CNTNAP2: variants seen among roughly 807,000 people sequenced by gnomAD.
The protein encoded by CNTNAP2 is contactin-associated protein-like 2.
In CNTNAP2, 98 loss-of-function variants were observed where a neutral mutation model predicts 155.2. That is an observed-to-expected ratio of 0.63 (90% CI 0.54 to 0.75). The LOEUF (loss-of-function observed/expected upper bound fraction) is 0.75. CNTNAP2 is among the 30% of genes least tolerant of loss of function. The pLI, the probability that CNTNAP2 is intolerant of heterozygous loss-of-function variation, is 0.00. For synonymous variants in CNTNAP2, 651 were observed against 631.2 expected (o/e 1.03, Z -0.47); for missense variants, 1,727 against 1,688.1 (o/e 1.02, Z -0.40).
intron 5 of CNTNAP2, among the ~76,000 whole-genome samples, chr7:147,110,004 C>T (rs1800844447): frequency 1.3e-5 from 2 of 151,962 alleles, no homozygotes; most frequent in South Asian, 2.1e-4. Flanking sequence ...TGCTCACTGC[C>T]ACCTCTGCCT....
At chr7:147,803,302 G>C (rs1798037267) in intron 13 of CNTNAP2, among the ~76,000 whole-genome samples, 3 of 152,146 alleles carry the variant, frequency 2.0e-5, no homozygotes, top group African/African-American at 7.2e-5. Flanking sequence ...GCCTAATTCT[G>C]CTCTTGGGGG....
At position 147,242,987 on chromosome 7, in the gene CNTNAP2, A is replaced by ATTTTTTTTTTTTTTTTTTTT. The variant is rs766917054; in HGVS notation, c.1349-57144_1349-57125dup. 5.3e-4 allele frequency among the ~76,000 whole-genome samples: 25 copies of ATTTTTTTTTTTTTTTTTTTT among 47,168 alleles called. 6 individuals are homozygous for ATTTTTTTTTTTTTTTTTTTT. The highest frequency in any genetic ancestry group is 1.9e-3 in the East Asian group (2 of 1,050). The allele number at this position is 47,168 out of a possible 152,430, so 30.9% of individuals were successfully genotyped here. A position where few individuals can be genotyped will look rare whatever the true frequency, so the allele number is the denominator to read the frequency against. On this transcript the variant is annotated intron_variant, in intron 8 of 23. Coordinates refer to ENST00000361727, the MANE Select transcript of CNTNAP2 (RefSeq NM_014141.6). The stretch of plus-strand genomic sequence containing the variant: ...TGTTGTATTCCACACTATGCTTTGC[A>ATTTTTTTTTTTTTTTTTTTT]TTTTTTTTTTTTTTTTTTTTTTTTT...
At position 147,062,127 on chromosome 7, in the gene CNTNAP2, C is replaced by CAAAAA. The variant is rs869125044; in HGVS notation, c.550+18112_550+18116dup. ...TGGGCGACAGAGCGAGACTCCGTCT[C>CAAAAA]AAAAAAAAAAAAAAAAAAAAAAAAA... On this transcript the variant is annotated intron_variant, in intron 4 of 23. Coordinates refer to ENST00000361727, the MANE Select transcript of CNTNAP2 (RefSeq NM_014141.6). Among the ~76,000 whole-genome samples the CAAAAA allele has an allele frequency of 3.9e-3, 177 of 44,918 alleles. 26 individuals are homozygous for CAAAAA. Among genetic ancestry groups the CAAAAA allele is most frequent in the East Asian group, 0.012 (9 of 736 alleles). 29.5% of individuals were successfully genotyped at this position (44,918 alleles called of 152,430 possible).
chr7:148,351,530 G>C (rs1305865420), intron 21 of CNTNAP2, among the ~76,000 whole-genome samples: 1 of 151,798 alleles, frequency 6.6e-6, no homozygotes, highest in Non-Finnish European at 1.5e-5. Flanking sequence ...AGATCACGAG[G>C]TCAGGAGTTC....
chr7:146,399,745 T>C (rs1795687175), intron 1 of CNTNAP2, among the ~76,000 whole-genome samples: 1 of 152,180 alleles, frequency 6.6e-6, no homozygotes, highest in African/African-American at 2.4e-5. Flanking sequence ...GACTCCATAT[T>C]GTTTACTGTA....
At chr7:147,318,806 A>G (rs189380370) in intron 9 of CNTNAP2, among the ~76,000 whole-genome samples, 22 of 152,322 alleles carry the variant, frequency 1.4e-4, no homozygotes, top group Admixed American at 1.2e-3. Flanking sequence ...CGTTCTGCAC[A>G]TGTATCCCAG....
chr7:146,479,711 T>C (rs1205127220), intron 1 of CNTNAP2, among the ~76,000 whole-genome samples: 2 of 152,000 alleles, frequency 1.3e-5, no homozygotes, highest in East Asian at 3.9e-4. Context: ...CCCAAAAAAC[T>C]TGTTTCAAGT....
chr7:147,608,991 C>T (rs555503444), intron 12 of CNTNAP2, among the ~76,000 whole-genome samples: 62 of 152,142 alleles, frequency 4.1e-4, no homozygotes, highest in African/African-American at 1.2e-3. Context: ...AGGCAGGAAC[C>T]GGCCATTTTC....
intron 21 of CNTNAP2, among the ~76,000 whole-genome samples, chr7:148,329,653 G>A (rs926136102): frequency 6.6e-5 from 10 of 152,178 alleles, no homozygotes; most frequent in African/African-American, 2.2e-4. Flanking sequence ...GAGGCTCCTG[G>A]TAGGTTTTTT....
intron 13 of CNTNAP2, among the ~76,000 whole-genome samples, chr7:147,832,546 T>A (rs563634481): frequency 0.034 from 4,790 of 141,716 alleles, 128 homozygotes; most frequent in Non-Finnish European, 0.052. Flanking sequence ...TATATTTCAA[T>A]ATATTATATT....
intron 13 of CNTNAP2, among the ~76,000 whole-genome samples, chr7:147,867,984 T>A (rs1401757644): frequency 1.3e-5 from 2 of 152,154 alleles, no homozygotes; most frequent in Non-Finnish European, 2.9e-5. Flanking sequence ...CCAGCTTTGT[T>A]CTGTTGCTGG....
At chr7:147,601,191 A>G (rs1415901147) in intron 12 of CNTNAP2, among the ~76,000 whole-genome samples, 1 of 152,112 alleles carries the variant, frequency 6.6e-6, no homozygotes, top group Non-Finnish European at 1.5e-5. Flanking sequence ...AATTCCAGAC[A>G]TCAGTATTTT....
chr7:146,819,105 G>A (rs1803228397), intron 2 of CNTNAP2, among the ~76,000 whole-genome samples: 2 of 151,760 alleles, frequency 1.3e-5, no homozygotes, highest in Admixed American at 6.6e-5. Flanking sequence ...ATTTATATCA[G>A]CTATAAAGTA....
intron 1 of CNTNAP2, among the ~76,000 whole-genome samples, chr7:146,347,930 G>A (rs1030360410): frequency 2.0e-5 from 3 of 152,008 alleles, no homozygotes; most frequent in Non-Finnish European, 1.5e-5. Flanking sequence ...TGTGAACTTC[G>A]GAAATTCTAA....
intron 1 of CNTNAP2, among the ~76,000 whole-genome samples, chr7:146,483,514 T>G: frequency 6.7e-6 from 1 of 150,254 alleles, no homozygotes; most frequent in Non-Finnish European, 1.5e-5. Flanking sequence ...TGTGTGCGTG[T>G]GTGTGTGTGT....
chr7:148,309,141 G>A (rs368577326), intron 21 of CNTNAP2, among the ~76,000 whole-genome samples: 3 of 152,262 alleles, frequency 2.0e-5, no homozygotes, highest in African/African-American at 7.2e-5. Context: ...AGATTCTTGA[G>A]GAATCTCCAC....
At chr7:146,862,503 CAAAA>C (rs537810373) in intron 3 of CNTNAP2, among the ~76,000 whole-genome samples, 6 of 151,486 alleles carry the variant, frequency 4.0e-5, no homozygotes, top group African/African-American at 1.5e-4. Flanking sequence ...AAAAAACAAA[CAAAA>C]AAAACGCTAA....
chr7:147,638,823 A>G lies in CNTNAP2; in HGVS notation c.1898-283A>G, dbSNP rs1305198890. On this transcript the variant is annotated intron_variant, in intron 12 of 23. Coordinates refer to ENST00000361727, the MANE Select transcript of CNTNAP2 (RefSeq NM_014141.6). The stretch of plus-strand genomic sequence containing the variant: ...TATTCAATGCTGCAGATGTTAGAGC[A>G]CCAACAAGATACAAAAGCTTTTTTT... 5.6e-6 allele frequency: 3 copies of G among 536,672 alleles called. No homozygotes were observed. The East Asian group carries it at 1.3e-4, about 23-fold the overall frequency. The allele number at this position is 536,672 out of a possible 1,614,324, so 33.2% of individuals were successfully genotyped here. A position where few individuals can be genotyped will look rare whatever the true frequency, so the allele number is the denominator to read the frequency against.
intron 9 of CNTNAP2, among the ~76,000 whole-genome samples, chr7:147,321,140 C>T (rs936256874): frequency 3.9e-5 from 6 of 152,164 alleles, no homozygotes; most frequent in African/African-American, 1.4e-4. Flanking sequence ...GAGGTGAGCC[C>T]TCTAATCTGC....
Sources: allele counts gnomAD v4.1 joint callset (sites outside exome capture counted in the v4.1 genomes callset), GRCh38; gene constraint gnomAD v4.1.1; transcripts MANE v1.5; gene names NCBI Gene and HGNC (gene_info 2026-07-23, HGNC 2026-07-21).